KCNJ6: variants seen among roughly 807,000 people sequenced by gnomAD.
The protein encoded by KCNJ6 is potassium inwardly rectifying channel subfamily J member 6.
In KCNJ6, 9 loss-of-function variants were observed where a neutral mutation model predicts 34.2. That is an observed-to-expected ratio of 0.26 (90% CI 0.16 to 0.46). The LOEUF is 0.46. Among genes scored for constraint, KCNJ6 ranks in the 20% least tolerant of loss-of-function variants. The pLI, the probability that KCNJ6 is intolerant of heterozygous loss-of-function variation, is 1.00. For missense variants in KCNJ6, 236 were observed against 531.3 expected (o/e 0.44, Z 5.46); for synonymous variants, 196 against 207.1 (o/e 0.95, Z 0.46).
At chr21:37,731,063 T>C in intron 2 of KCNJ6, among the ~76,000 whole-genome samples, 1 of 150,178 alleles carries the variant, frequency 6.7e-6, no homozygotes, top group Non-Finnish European at 1.5e-5. Context: ...CTGAAGCTTG[T>C]CTTCTTTCCT....
At chr21:37,861,012 T>G (rs1395743484) in intron 1 of KCNJ6, among the ~76,000 whole-genome samples, 1 of 152,188 alleles carries the variant, frequency 6.6e-6, no homozygotes, top group African/African-American at 2.4e-5. Context: ...ATAGGGATAA[T>G]GTTATACATA....
At chr21:37,778,205 A>G (rs540858651) in intron 2 of KCNJ6, among the ~76,000 whole-genome samples, 3 of 152,176 alleles carry the variant, frequency 2.0e-5, no homozygotes, top group Non-Finnish European at 2.9e-5. Context: ...CTAGGGTATG[A>G]TTCTGTCCTC....
chr21:37,903,743 C>CAAAA (rs541089164), intron 1 of KCNJ6, among the ~76,000 whole-genome samples: 1 of 107,372 alleles, frequency 9.3e-6, no homozygotes, highest in Non-Finnish European at 2.0e-5. Context: ...CAAAACAAAA[C>CAAAA]AAAAAAAAAC....
intron 3 of KCNJ6, among the ~76,000 whole-genome samples, chr21:37,685,194 C>T (rs1243593304): frequency 6.6e-6 from 1 of 152,054 alleles, no homozygotes; most frequent in Non-Finnish European, 1.5e-5. Flanking sequence ...GAATGACACC[C>T]GTTTTCACTT....
intron 2 of KCNJ6, among the ~76,000 whole-genome samples, chr21:37,736,236 C>T (rs1240091643): frequency 6.6e-6 from 1 of 152,018 alleles, no homozygotes; most frequent in African/African-American, 2.4e-5. Context: ...AAATCCCTGC[C>T]AGGGGAACTC....
At chr21:37,809,534 A>C (rs957452638) in intron 2 of KCNJ6, among the ~76,000 whole-genome samples, 1 of 152,176 alleles carries the variant, frequency 6.6e-6, no homozygotes, top group Non-Finnish European at 1.5e-5. Context: ...ATAATAATAA[A>C]ATAAAAAAGA....
chr21:37,637,545 G>A lies in KCNJ6; in HGVS notation c.947-12061C>T, dbSNP rs191589696. 8.5e-5 allele frequency among the ~76,000 whole-genome samples: 13 copies of A among 152,184 alleles called. No homozygotes were observed. The East Asian group carries it at 1.4e-3, about 16-fold the overall frequency. The stretch of plus-strand genomic sequence containing the variant: ...TGTGTGCTGGGCTCAGTGTGTGCTC[G>A]GTGTGAGCCAACCATCTGGTCCCTG... On this transcript the variant is annotated intron_variant, in intron 3 of 3. Transcript: ENST00000609713.
intron 3 of KCNJ6, among the ~76,000 whole-genome samples, chr21:37,661,472 G>A (rs2054487699): frequency 6.6e-6 from 1 of 152,046 alleles, no homozygotes; most frequent in Admixed American, 6.5e-5. Context: ...TGAGAATAAT[G>A]TTCATAAGTG....
chr21:37,778,745 A>G (rs1364631538), intron 2 of KCNJ6, among the ~76,000 whole-genome samples: 3 of 150,062 alleles, frequency 2.0e-5, no homozygotes, highest in Non-Finnish European at 4.4e-5. Context: ...CTTCTGTTTG[A>G]ATCAAGACAA....
intron 2 of KCNJ6, among the ~76,000 whole-genome samples, chr21:37,740,508 C>A (rs554662148): frequency 6.6e-6 from 1 of 152,306 alleles, no homozygotes; most frequent in Non-Finnish European, 1.5e-5. Flanking sequence ...AACAACCCCC[C>A]TCCTTTGAGT....
chr21:37,762,261 CAG>C (rs2055069177), intron 2 of KCNJ6, among the ~76,000 whole-genome samples: 1 of 152,218 alleles, frequency 6.6e-6, no homozygotes, highest in Non-Finnish European at 1.5e-5. Flanking sequence ...GCATCCAGCA[CAG>C]ATGGCTCCTT....
chr21:37,735,651 G>C (rs2054908965), intron 2 of KCNJ6, among the ~76,000 whole-genome samples: 1 of 152,212 alleles, frequency 6.6e-6, no homozygotes, highest in Non-Finnish European at 1.5e-5. Flanking sequence ...TGTATGGGCT[G>C]TGGGAGGAAG....
chr21:37,610,006 G>A lies in KCNJ6; in HGVS notation c.*15153C>T, dbSNP rs1349849756. ...TCATCTCTCTGCTACCGGGTTTAGT[G>A]GTGGTAATGACAGGGGAGCAGGACG... On this transcript the variant is annotated 3_prime_UTR_variant, in exon 4 of 4. Transcript: ENST00000609713. 6.6e-6 allele frequency: 1 copy of A among 152,298 alleles called. No homozygotes were observed. The highest frequency in any genetic ancestry group is 1.5e-5 in the Non-Finnish European group (1 of 68,080). The allele number at this position is 152,298 out of a possible 1,614,324, so 9.4% of individuals were successfully genotyped here. A position where few individuals can be genotyped will look rare whatever the true frequency, so the allele number is the denominator to read the frequency against.
chr21:37,911,371 T>C lies in KCNJ6; in HGVS notation c.-28+4513A>G, dbSNP rs539651079. On this transcript the variant is annotated intron_variant, in intron 1 of 3. Transcript: ENST00000609713. The stretch of plus-strand genomic sequence containing the variant: ...TTCAACTTAACTGCCAATTTCCCCC[T>C]TACTGGTATTACCAAAGTTAATAAT... Among the ~76,000 whole-genome samples, 7 of 152,320 alleles carry C rather than the reference T, an allele frequency of 4.6e-5. No individual in the cohort carries two copies. In the East Asian group the frequency reaches 1.3e-3, roughly 29 times the overall value.
chr21:37,765,207 C>T (rs1438422950), intron 2 of KCNJ6, among the ~76,000 whole-genome samples: 1 of 152,208 alleles, frequency 6.6e-6, no homozygotes, highest in Non-Finnish European at 1.5e-5. Flanking sequence ...GGAAACACTT[C>T]ATATGACATG....
At chr21:37,755,421 A>G (rs1378530477) in intron 2 of KCNJ6, among the ~76,000 whole-genome samples, 1 of 152,222 alleles carries the variant, frequency 6.6e-6, no homozygotes, top group Non-Finnish European at 1.5e-5. Flanking sequence ...AAGTCCTGCA[A>G]ATCTTCAAAT....
At chr21:37,723,956 G>A (rs1433738603) in intron 2 of KCNJ6, among the ~76,000 whole-genome samples, 1 of 151,846 alleles carries the variant, frequency 6.6e-6, no homozygotes, top group Non-Finnish European at 1.5e-5. Context: ...AGAAAAGCAA[G>A]AACAGCATGT....
At chr21:37,631,348 T>C (rs985518403) in intron 3 of KCNJ6, among the ~76,000 whole-genome samples, 9 of 152,220 alleles carry the variant, frequency 5.9e-5, no homozygotes, top group African/African-American at 1.9e-4. Context: ...GTCATGTCTG[T>C]CTGCAGATGA....
intron 1 of KCNJ6, among the ~76,000 whole-genome samples, chr21:37,896,361 C>T (rs1442555381): frequency 6.6e-6 from 1 of 152,206 alleles, no homozygotes; most frequent in Non-Finnish European, 1.5e-5. Flanking sequence ...ATGCTAACTG[C>T]TGAGGCTTCT....
Sources: allele counts gnomAD v4.1 joint callset (sites outside exome capture counted in the v4.1 genomes callset), GRCh38; gene constraint gnomAD v4.1.1; transcripts MANE v1.5; gene names NCBI Gene and HGNC (gene_info 2026-07-23, HGNC 2026-07-21).